IQCH: variants seen among roughly 807,000 people sequenced by gnomAD.
The protein encoded by IQCH is IQ domain-containing protein H.
In IQCH, 98 loss-of-function variants were observed where a neutral mutation model predicts 117.0. The ratio of observed to expected loss-of-function variants is 0.84; its 90% confidence interval spans 0.71 to 0.99. The LOEUF (loss-of-function observed/expected upper bound fraction) is 0.99. Ranked by LOEUF, IQCH falls within the 50% of genes least tolerant of loss-of-function variation. The pLI is 0.00. For synonymous variants in IQCH, 412 were observed against 448.2 expected (o/e 0.92, Z 1.02); for missense variants, 1,102 against 1,243.8 (o/e 0.89, Z 1.72).
intron 4 of IQCH, among the ~76,000 whole-genome samples, chr15:67,294,129 A>G (rs1260291708): frequency 6.6e-6 from 1 of 152,150 alleles, no homozygotes; most frequent in Non-Finnish European, 1.5e-5. Context: ...TTTTTCAAGC[A>G]CAGCAGTGTG....
chr15:67,451,661 G>T (rs12443258), intron 16 of IQCH, among the ~76,000 whole-genome samples: 101,650 of 151,896 alleles, frequency 0.67, 35,101 homozygotes, highest in Middle Eastern at 0.81. Flanking sequence ...GTCAATTTTG[G>T]AGTAGGTGTG....
chr15:67,372,298 T>A lies in IQCH; in HGVS notation c.941T>A (p.Ile314Lys), dbSNP rs1242006732. The A allele has an allele frequency of 6.2e-7, 1 of 1,614,000 alleles. No individual in the cohort carries two copies. Among genetic ancestry groups the A allele is most frequent in the African/African-American group, 1.3e-5 (1 of 74,910 alleles). The change falls in exon 9 of 21, where the codon ATA becomes AAA. Residue 314 changes from isoleucine (I) to lysine (K), a missense_variant. Physicochemically the swap from Ile to Lys is moderately radical, Grantham distance 102 (BLOSUM62 -3). Transcript: ENST00000335894. The part of the protein sequence containing the change: ...HVEKFLRNYA[I>K]PEVKIKGNNL... Reference sequence around the variant, plus strand: ...GAGAAGTTTCTCAGGAACTATGCTATACCAGAAGTCAAAATAAAAGGGAAT... The same window carrying A: ...GAGAAGTTTCTCAGGAACTATGCTAAACCAGAAGTCAAAATAAAAGGGAAT...
Position 67,421,564 on chromosome 15 carries a change from C to T in IQCH, c.2492C>T (p.Thr831Ile). ...CTGGTGACTTTTATAGATCCAAGCA[C>T]CTTGGAACAACAGGTAAGTTGAATG... The part of the protein sequence containing the change: ...IDLVTFIDPS[T>I]LEQQVWATGL... The change falls in exon 16 of 21, where the codon ACC (threonine) becomes ATC (isoleucine). Residue 831 changes from threonine to isoleucine, a missense_variant. Thr to Ile is a moderately conservative substitution (Grantham distance 89). Coordinates refer to ENST00000335894, the MANE Select transcript of IQCH (RefSeq NM_001031715.3). The T allele has an allele frequency of 6.2e-7, 1 of 1,614,062 alleles. No homozygotes were observed. Among genetic ancestry groups the T allele is most frequent in the African/African-American group, 1.3e-5 (1 of 75,008 alleles).
chr15:67,379,658 G>A (rs1394285360), intron 10 of IQCH, among the ~76,000 whole-genome samples: 1 of 152,096 alleles, frequency 6.6e-6, no homozygotes, highest in East Asian at 1.9e-4. Flanking sequence ...CTTGTGGTAG[G>A]GAGTGAGTTC....
chr15:67,357,371 C>A lies in IQCH; in HGVS notation c.664C>A (p.Pro222Thr). ...VATFTIPREP[P>T]PSPAEVKFFP... The stretch of plus-strand genomic sequence containing the variant: ...CACTTTCACTATACCTCGGGAACCA[C>A]CTCCATCTCCAGCAGAAGTGAAGTT... The change falls in exon 7 of 21, where the codon CCT becomes ACT. Residue 222 changes from proline to threonine, a missense_variant. By Grantham distance (38) the Pro-to-Thr change is conservative. This residue lies in a region of IQCH where 452 missense variants were observed against 449.6 expected (regional missense o/e 1.01). Transcript: ENST00000335894. The A allele has an allele frequency of 6.2e-7, 1 of 1,611,084 alleles. No homozygotes were observed. Among genetic ancestry groups the A allele is most frequent in the South Asian group, 1.1e-5 (1 of 91,000 alleles).
chr15:67,438,006 T>C (rs180939361), intron 16 of IQCH, among the ~76,000 whole-genome samples: 1 of 152,314 alleles, frequency 6.6e-6, no homozygotes, highest in East Asian at 1.9e-4. Flanking sequence ...TTCCCCGGCC[T>C]TGTGAGAGAC....
In IQCH at chr15:67,342,292, G is replaced by C. The variant is rs1489390612; in HGVS notation, c.509-1771G>C. 6.6e-6 allele frequency among the ~76,000 whole-genome samples: 1 copy of C among 152,092 alleles called. No homozygotes were observed. The highest frequency in any genetic ancestry group is 1.5e-5 in the Non-Finnish European group (1 of 68,004). On this transcript the variant is annotated intron_variant, in intron 5 of 20. Transcript: ENST00000335894. The surrounding 1 kb of genome is among the most constrained non-coding windows in gnomAD (Gnocchi z 4.7). ...TAAAAAAGCAAAACAAAACAAAGATGCATACAGAGTCCTGTAGGACTGTAG... is the reference window on the plus strand; with the variant it reads ...TAAAAAAGCAAAACAAAACAAAGATCCATACAGAGTCCTGTAGGACTGTAG...
rs549497751 is a variant in IQCH, at chr15:67,476,202, T to A, written c.2799+384T>A. Among the ~76,000 whole-genome samples the A allele has an allele frequency of 6.6e-6, 1 of 152,340 alleles. No homozygotes were observed. Among genetic ancestry groups the A allele is most frequent in the African/African-American group, 2.4e-5 (1 of 41,586 alleles). The stretch of plus-strand genomic sequence containing the variant: ...GTCTGCTGGGGCTGCCATAACAATA[T>A]AGCACAAGCTAAATGGCTTGAGCCA... On this transcript the variant is annotated intron_variant, in intron 18 of 20. Transcript: ENST00000335894. The surrounding 1 kb of genome is among the most constrained non-coding windows in gnomAD (Gnocchi z 4.1).
At position 67,416,438 on chromosome 15, in the gene IQCH, AC is replaced by A; in HGVS notation, c.2098-490del. On this transcript the variant is annotated intron_variant, in intron 14 of 20. Transcript: ENST00000335894. This position sits in a 1 kb window ranked among gnomAD's most constrained non-coding sequence, Gnocchi z 5.1. ...AGGCTGAGGCAGGAGAATCACTTGA[AC>A]CCGGGAGGCAGAGGTTGCAGTGAGC... 6.6e-6 allele frequency among the ~76,000 whole-genome samples: 1 copy of A among 151,806 alleles called. No individual in the cohort carries two copies. Among genetic ancestry groups the A allele is most frequent in the South Asian group, 2.1e-4 (1 of 4,808 alleles).
chr15:67,257,237 C>A (rs1340013914), intron 1 of IQCH, among the ~76,000 whole-genome samples: 1 of 152,202 alleles, frequency 6.6e-6, no homozygotes, highest in African/African-American at 2.4e-5. Flanking sequence ...TTTAAATTGT[C>A]CCAATTTCCC....
Position 67,388,990 on chromosome 15 carries a change from C to T in IQCH, c.1616C>T (p.Ala539Val). 1 of 1,612,792 alleles carries T rather than the reference C, an allele frequency of 6.2e-7. No individual in the cohort carries two copies. Among genetic ancestry groups the T allele is most frequent in the Non-Finnish European group, 8.5e-7 (1 of 1,179,060 alleles). ...QDRFKIITPE[A>V]VNIFPKHHMC... ...AGGTTCAAAATTATCACACCTGAAGCTGTAAACATCTTCCCTGTGAGTTTG... is the reference window on the plus strand; with the variant it reads ...AGGTTCAAAATTATCACACCTGAAGTTGTAAACATCTTCCCTGTGAGTTTG... Residue 539 changes from alanine (A) to valine (V), a missense_variant, in exon 12 of 21, where the codon GCT becomes GTT. Physicochemically the swap from Ala to Val is moderately conservative, Grantham distance 64. Coordinates refer to ENST00000335894, the MANE Select transcript of IQCH (RefSeq NM_001031715.3). The surrounding 1 kb of genome is among the most constrained non-coding windows in gnomAD (Gnocchi z 5.5).
At chr15:67,464,668 G>A (rs1408771895) in intron 16 of IQCH, among the ~76,000 whole-genome samples, 1 of 152,162 alleles carries the variant, frequency 6.6e-6, no homozygotes, top group Non-Finnish European at 1.5e-5. Context: ...GCTCCCAGAG[G>A]GGCTGTCACT....
intron 4 of IQCH, among the ~76,000 whole-genome samples, chr15:67,298,007 T>A (rs10851773): frequency 0.68 from 102,706 of 151,954 alleles, 35,311 homozygotes; most frequent in Middle Eastern, 0.84. Context: ...TAATAATCTG[T>A]TTTTAAAATG....
At chr15:67,331,186 G>A (rs1968650503) in intron 4 of IQCH, among the ~76,000 whole-genome samples, 1 of 152,138 alleles carries the variant, frequency 6.6e-6, no homozygotes, top group South Asian at 2.1e-4. Context: ...GCTAACGAAA[G>A]CAAGGGAGGG....
intron 3 of IQCH, among the ~76,000 whole-genome samples, chr15:67,273,145 A>G (rs1254234610): frequency 1.3e-5 from 2 of 152,220 alleles, no homozygotes; most frequent in African/African-American, 4.8e-5. Flanking sequence ...ATCTCGGCTC[A>G]CTGCAACCTC....
intron 4 of IQCH, among the ~76,000 whole-genome samples, chr15:67,301,258 T>G (rs1967012259): frequency 6.6e-6 from 1 of 152,172 alleles, no homozygotes; most frequent in South Asian, 2.1e-4. Context: ...TAATTCATTT[T>G]CTTGAAAACC....
In IQCH at chr15:67,365,154, C is replaced by T. The variant is rs1970287578; in HGVS notation, c.753+5269C>T. ...CGAGATGGGGTTTTACCATGTTGCC[C>T]AGGCTGGTCTGGAACTCGTGGACTC... On this transcript the variant is annotated intron_variant, in intron 8 of 20. Coordinates refer to ENST00000335894, the MANE Select transcript of IQCH (RefSeq NM_001031715.3). The surrounding 1 kb of genome is among the most constrained non-coding windows in gnomAD (Gnocchi z 4.4). Among the ~76,000 whole-genome samples the T allele has an allele frequency of 6.6e-6, 1 of 152,140 alleles. No individual in the cohort carries two copies. The highest frequency in any genetic ancestry group is 2.4e-5 in the African/African-American group (1 of 41,434).
intron 16 of IQCH, among the ~76,000 whole-genome samples, chr15:67,434,249 G>A (rs573716456): frequency 8.5e-5 from 13 of 152,068 alleles, no homozygotes; most frequent in Non-Finnish European, 1.6e-4. Context: ...CCCACCTTCC[G>A]ACCCCTGGTA....
intron 4 of IQCH, among the ~76,000 whole-genome samples, chr15:67,324,268 T>C (rs534429387): frequency 4.1e-4 from 62 of 150,544 alleles, no homozygotes; most frequent in Admixed American, 1.7e-3. Context: ...AAAAGAAAGC[T>C]CATGCCTGCT....
Sources: gnomAD v4.1 joint callset for allele counts (sites outside exome capture counted in the v4.1 genomes callset) on GRCh38, gnomAD v4.1.1 for gene constraint, gnomAD v4.1.1 regional missense constraint, Gnocchi (gnomAD v3.1) non-coding constraint, MANE v1.5 for transcripts, NCBI Gene and HGNC (gene_info 2026-07-23, HGNC 2026-07-21) for gene names.